Variants in TEX2 observed in about 807,000 individuals in gnomAD.
TEX2 encodes the protein testis expressed 2.
In TEX2, 53 loss-of-function variants were observed where a neutral mutation model predicts 106.9. The observed-to-expected ratio is 0.50, with a 90% CI of 0.40 to 0.62. The LOEUF (loss-of-function observed/expected upper bound fraction) is 0.62, where lower values mean the gene tolerates loss of function less well. Among genes scored for constraint, TEX2 ranks in the 20% least tolerant of loss-of-function variants. The pLI, the probability that TEX2 is intolerant of heterozygous loss-of-function variation, is 0.00. For synonymous variants in TEX2, 523 were observed against 534.8 expected (o/e 0.98, Z 0.30); for missense variants, 1,207 against 1,379.0 (o/e 0.88, Z 1.98).
intron 5 of TEX2, among the ~76,000 whole-genome samples, chr17:64,180,719 A>G (rs2031820116): frequency 6.6e-6 from 1 of 152,360 alleles, no homozygotes; most frequent in African/African-American, 2.4e-5. Flanking sequence ...TGGCTTCCAA[A>G]TAAGTGTAGA....
At chr17:64,182,909 GTTT>G (rs200260065) in intron 5 of TEX2, among the ~76,000 whole-genome samples, 40 of 144,082 alleles carry the variant, frequency 2.8e-4, no homozygotes, top group African/African-American at 9.9e-4. Context: ...CTTTTGTTGT[GTTT>G]TTTTTTTTTT....
chr17:64,157,622 C>T (rs557821522), intron 8 of TEX2, among the ~76,000 whole-genome samples: 2 of 152,364 alleles, frequency 1.3e-5, no homozygotes, highest in South Asian at 4.1e-4. Context: ...GAGATGTTTG[C>T]TTTGAGGGAG....
At chr17:64,202,177 A>T (rs186957078) in intron 2 of TEX2, among the ~76,000 whole-genome samples, 9 of 152,350 alleles carry the variant, frequency 5.9e-5, no homozygotes, top group East Asian at 5.8e-4. Flanking sequence ...GCTAAGTCTT[A>T]TCTAGAGCAG....
intron 1 of TEX2, among the ~76,000 whole-genome samples, chr17:64,219,508 C>CAAATCAAATAAAATA (rs1555633013): frequency 5.0e-4 from 68 of 134,924 alleles, no homozygotes; most frequent in African/African-American, 1.7e-3. Flanking sequence ...TCCATCTCAT[C>CAAATCAAATAAAATA]AAATAAAATA....
chr17:64,219,505 C>CATCAA (rs1173572063), intron 1 of TEX2, among the ~76,000 whole-genome samples: 17 of 87,764 alleles, frequency 1.9e-4, no homozygotes, highest in East Asian at 4.0e-4. Flanking sequence ...GACTCCATCT[C>CATCAA]ATCAAATAAA....
At chr17:64,233,927 T>C (rs781980696) in intron 1 of TEX2, among the ~76,000 whole-genome samples, 1 of 152,192 alleles carries the variant, frequency 6.6e-6, no homozygotes, top group Non-Finnish European at 1.5e-5. Context: ...GTTGTGGCCT[T>C]ACCTCCTGGG....
At chr17:64,179,064 C>T (rs1402472773) in intron 5 of TEX2, among the ~76,000 whole-genome samples, 3 of 152,264 alleles carry the variant, frequency 2.0e-5, no homozygotes, top group Non-Finnish European at 2.9e-5. Context: ...CAGTCCCACC[C>T]GTCTGCCAGT....
intron 7 of TEX2, among the ~76,000 whole-genome samples, chr17:64,169,624 A>T (rs1463894714): frequency 6.6e-6 from 1 of 152,226 alleles, no homozygotes; most frequent in Non-Finnish European, 1.5e-5. Flanking sequence ...ATATTGCTGG[A>T]GAGATATGCT....
chr17:64,180,534 T>C (rs1447559626), intron 5 of TEX2, among the ~76,000 whole-genome samples: 1 of 152,226 alleles, frequency 6.6e-6, no homozygotes, highest in Non-Finnish European at 1.5e-5. Context: ...AAAACCTGGA[T>C]TCAACAGCCT....
At chr17:64,238,402 C>A (rs1263067017) in intron 1 of TEX2, among the ~76,000 whole-genome samples, 1 of 152,226 alleles carries the variant, frequency 6.6e-6, no homozygotes, top group Non-Finnish European at 1.5e-5. Flanking sequence ...ATTCCATCTA[C>A]TATTCAAGAT....
At chr17:64,188,968 C>G (rs916335218) in intron 4 of TEX2, among the ~76,000 whole-genome samples, 2 of 152,052 alleles carry the variant, frequency 1.3e-5, no homozygotes, top group Non-Finnish European at 2.9e-5. Context: ...ATTCTCTTTT[C>G]TCCTGATGAT....
chr17:64,150,418 C>A (rs2030292383), intron 11 of TEX2: 1 of 152,510 alleles, frequency 6.6e-6, no homozygotes, highest in Non-Finnish European at 1.5e-5. Context: ...AGAAGGGTTT[C>A]CAGGAATGTT....
chr17:64,193,518 C>A (rs753821686), intron 4 of TEX2, 41 bp downstream of exon 4: 1 of 1,392,378 alleles, frequency 7.2e-7, no homozygotes, highest in East Asian at 2.5e-5. Context: ...TCCCTAGTGG[C>A]CCTTTAAAAA....
At chr17:64,242,511 TAA>T (rs782241031) in intron 1 of TEX2, 10 of 152,112 alleles carry the variant, frequency 6.6e-5, no homozygotes, top group Admixed American at 6.5e-4. Flanking sequence ...ATCATACAAA[TAA>T]AGGCTCCTCT....
At position 64,148,833 on chromosome 17, in the gene TEX2, G is replaced by T; in HGVS notation, c.*136C>A. ...ACACCTCACAGTGGAATGGGCACTGGCAGGCAGAGGGCAGAAGCAGTCCTT... is the reference window on the plus strand; with the variant it reads ...ACACCTCACAGTGGAATGGGCACTGTCAGGCAGAGGGCAGAAGCAGTCCTT... On this transcript the variant is annotated 3_prime_UTR_variant, in exon 12 of 12. Coordinates refer to ENST00000584379, the MANE Select transcript of TEX2 (RefSeq NM_001288732.2). 1 of 1,072,302 alleles carries T rather than the reference G, an allele frequency of 9.3e-7. No homozygotes were observed. Among genetic ancestry groups the T allele is most frequent in the Non-Finnish European group, 1.3e-6 (1 of 749,900 alleles). The allele number at this position is 1,072,302 out of a possible 1,614,324, so 66.4% of individuals were successfully genotyped here. A position where few individuals can be genotyped will look rare whatever the true frequency, so the allele number is the denominator to read the frequency against.
chr17:64,177,760 C>T (rs1207144625), intron 5 of TEX2, among the ~76,000 whole-genome samples: 3 of 152,218 alleles, frequency 2.0e-5, no homozygotes, highest in Non-Finnish European at 4.4e-5. Context: ...AACTGCTCTG[C>T]GTCCAAATTA....
chr17:64,203,635 T>A (rs2032740364), intron 2 of TEX2, among the ~76,000 whole-genome samples: 1 of 151,908 alleles, frequency 6.6e-6, no homozygotes, highest in Admixed American at 6.6e-5. Context: ...ATTTTACCCA[T>A]GAAAGGCAAG....
intron 8 of TEX2, among the ~76,000 whole-genome samples, chr17:64,159,666 C>T (rs2030794811): frequency 6.6e-6 from 1 of 152,082 alleles, no homozygotes; most frequent in Non-Finnish European, 1.5e-5. Context: ...GTATGAAATG[C>T]TATGTGGAGA....
Position 64,213,502 on chromosome 17 carries a change from T to A in TEX2, c.716A>T (p.Asp239Val), listed in dbSNP as rs1555632065. Reference protein sequence around the residue: ...ESDTVSYKPPDSKLNLHLFKQ... With the variant: ...ESDTVSYKPPVSKLNLHLFKQ... ...GAACAGGTGTAAGTTCAGTTTGGAATCAGGTGGCTTATAGGACACTGTATC... is the reference window on the plus strand; with the variant it reads ...GAACAGGTGTAAGTTCAGTTTGGAAACAGGTGGCTTATAGGACACTGTATC... Residue 239 changes from aspartate (D) to valine (V), a missense_variant, in exon 2 of 12, where the codon GAT becomes GTT. Asp to Val is a radical substitution (Grantham distance 152). Coordinates refer to ENST00000584379, the MANE Select transcript of TEX2 (RefSeq NM_001288732.2). This position sits in a 1 kb window ranked among gnomAD's most constrained non-coding sequence, Gnocchi z 4.4. The A allele has an allele frequency of 6.2e-7, 1 of 1,613,996 alleles. No individual in the cohort carries two copies. Among genetic ancestry groups the A allele is most frequent in the Non-Finnish European group, 8.5e-7 (1 of 1,179,994 alleles).
Sources: allele counts gnomAD v4.1 joint callset (sites outside exome capture counted in the v4.1 genomes callset), GRCh38; gene constraint gnomAD v4.1.1; non-coding constraint Gnocchi (gnomAD v3.1); transcripts MANE v1.5; gene names NCBI Gene and HGNC (gene_info 2026-07-23, HGNC 2026-07-21).